RAP1A: variants seen among roughly 807,000 people sequenced by gnomAD.
The protein encoded by RAP1A is ras-related protein Rap-1A.
Under a neutral mutation model 26.4 loss-of-function variants are expected in RAP1A, and 6 were observed. That is an observed-to-expected ratio of 0.23 (90% CI 0.12 to 0.45). The LOEUF is 0.45. Among genes scored for constraint, RAP1A ranks in the 20% least tolerant of loss-of-function variants. The pLI is 0.99. For missense variants in RAP1A, 121 were observed against 217.2 expected, an observed-to-expected ratio of 0.56 and a Z score of 2.78; for synonymous variants, 73 against 79.4, an observed-to-expected ratio of 0.92 and a Z score of 0.43.
chr1:111,633,968 A>G (rs1397273336), intron 1 of RAP1A, among the ~76,000 whole-genome samples: 1 of 152,208 alleles, frequency 6.6e-6, no homozygotes, highest in Non-Finnish European at 1.5e-5. Flanking sequence ...TATTGGACAT[A>G]AAGAATCATT....
chr1:111,575,212 G>A (rs1432066783), intron 1 of RAP1A, among the ~76,000 whole-genome samples: 2 of 151,778 alleles, frequency 1.3e-5, no homozygotes, highest in Admixed American at 1.3e-4. Context: ...GCAGTGGCAT[G>A]ATCACGGCTC....
intron 1 of RAP1A, among the ~76,000 whole-genome samples, chr1:111,662,191 T>C (rs1660660076): frequency 1.3e-5 from 2 of 151,812 alleles, no homozygotes; most frequent in Non-Finnish European, 2.9e-5. Flanking sequence ...GTCAGGAGAT[T>C]GAGACCATCC....
At chr1:111,586,611 G>A (rs1395852154) in intron 1 of RAP1A, among the ~76,000 whole-genome samples, 3 of 152,180 alleles carry the variant, frequency 2.0e-5, no homozygotes, top group Non-Finnish European at 4.4e-5. Context: ...GAGGATGGTG[G>A]CAAGGAGAAA....
intron 1 of RAP1A, among the ~76,000 whole-genome samples, chr1:111,624,350 G>A (rs1039477171): frequency 2.0e-5 from 3 of 152,310 alleles, no homozygotes; most frequent in African/African-American, 7.2e-5. Flanking sequence ...ATTACAAGCA[G>A]TAGTTTTTAT....
At chr1:111,564,002 A>G (rs1332811803) in intron 1 of RAP1A, 5 of 1,353,226 alleles carry the variant, frequency 3.7e-6, no homozygotes, top group Admixed American at 1.7e-5. Flanking sequence ...TCCAACAGCC[A>G]CATTCCACCC....
At chr1:111,643,105 A>C (rs1448472504) in intron 1 of RAP1A, among the ~76,000 whole-genome samples, 1 of 152,098 alleles carries the variant, frequency 6.6e-6, no homozygotes, top group African/African-American at 2.4e-5. Flanking sequence ...GATAGTAAGT[A>C]CTTTAGGATT....
intron 1 of RAP1A, among the ~76,000 whole-genome samples, chr1:111,590,300 C>T (rs1288738027): frequency 6.6e-6 from 1 of 152,128 alleles, no homozygotes; most frequent in Non-Finnish European, 1.5e-5. Flanking sequence ...ACCCCCAGTA[C>T]TAAATTTAAT....
At chr1:111,647,143 C>T (rs1289591532) in intron 1 of RAP1A, among the ~76,000 whole-genome samples, 1 of 152,094 alleles carries the variant, frequency 6.6e-6, no homozygotes, top group Non-Finnish European at 1.5e-5. Context: ...TGCCTGAGCC[C>T]CGCCTCTTAT....
Position 111,564,808 on chromosome 1 carries a change from G to A in RAP1A, c.-28+22299G>A, listed in dbSNP as rs566915716. On this transcript the variant is annotated intron_variant, in intron 1 of 7. Transcript: ENST00000356415. ...ATTACAGGCGTGAGCCACCACACCC[G>A]GCCTGTGAGACCCCAACTCTTAAAA... Among the ~76,000 whole-genome samples, 20 of 150,998 alleles carry A rather than the reference G, an allele frequency of 1.3e-4. No individual in the cohort carries two copies. The South Asian group carries it at 2.9e-3, about 22-fold the overall frequency.
chr1:111,612,455 C>T (rs1311049741), intron 1 of RAP1A, among the ~76,000 whole-genome samples: 3 of 152,304 alleles, frequency 2.0e-5, no homozygotes, highest in East Asian at 3.9e-4. Flanking sequence ...GCAATATATA[C>T]ACCACCAAAT....
intron 1 of RAP1A, among the ~76,000 whole-genome samples, chr1:111,558,369 T>C (rs1309991602): frequency 6.6e-6 from 1 of 151,900 alleles, no homozygotes; most frequent in Non-Finnish European, 1.5e-5. Context: ...TTTTTTTGTC[T>C]TAAGACAGGG....
intron 1 of RAP1A, among the ~76,000 whole-genome samples, chr1:111,685,853 A>G (rs1661456838): frequency 6.7e-6 from 1 of 148,212 alleles, no homozygotes; most frequent in African/African-American, 2.4e-5. Context: ...TATTCACAAT[A>G]GCAGAGACTT....
intron 1 of RAP1A, among the ~76,000 whole-genome samples, chr1:111,688,609 C>A (rs1748889): frequency 6.6e-6 from 1 of 151,332 alleles, no homozygotes; most frequent in African/African-American, 2.4e-5. Flanking sequence ...CGTGAGCCAC[C>A]GTGCCTGGCC....
At chr1:111,616,026 G>C (rs944538277), upstream of RAP1A, among the ~76,000 whole-genome samples, 1 of 152,136 alleles carries the variant, frequency 6.6e-6, no homozygotes, top group Non-Finnish European at 1.5e-5. Context: ...TGGATTAAAG[G>C]AGGCTTCGGT....
chr1:111,689,348 T>G (rs998860105), intron 1 of RAP1A, among the ~76,000 whole-genome samples: 2 of 151,824 alleles, frequency 1.3e-5, no homozygotes, highest in Non-Finnish European at 2.9e-5. Context: ...CCTTTCCCCT[T>G]CTCTTCTTTC....
At chr1:111,548,552 C>T (rs1415054580) in intron 1 of RAP1A, among the ~76,000 whole-genome samples, 3 of 152,182 alleles carry the variant, frequency 2.0e-5, no homozygotes, top group Admixed American at 6.5e-5. Context: ...TTTAATTTTT[C>T]GGTCAGAACT....
At position 111,709,191 on chromosome 1, in the gene RAP1A, G is replaced by T. The variant is rs746527874; in HGVS notation, c.511G>T (p.Val171Leu). ...CAGACAGATAAATAGGAAAACACCAGTGGAAAAGAAGAAGCCTAAAAAGAA... is the reference window on the plus strand; with the variant it reads ...CAGACAGATAAATAGGAAAACACCATTGGAAAAGAAGAAGCCTAAAAAGAA... Reference protein sequence around the residue: ...LVRQINRKTPVEKKKPKKKSC... With the variant: ...LVRQINRKTPLEKKKPKKKSC... The change falls in exon 7 of 8, where the codon GTG becomes TTG. Residue 171 changes from valine to leucine, a missense_variant. Val to Leu is a conservative substitution (Grantham distance 32). Transcript: ENST00000369709. The T allele has an allele frequency of 3.7e-6, 6 of 1,613,784 alleles. No individual in the cohort carries two copies. In the Middle Eastern group the frequency reaches 5.0e-4, roughly 133 times the overall value.
rs541658876 is a variant in RAP1A, at chr1:111,716,234, G to A, written c.*3833G>A. 3.3e-5 allele frequency: 5 copies of A among 152,314 alleles called. No homozygotes were observed. Among genetic ancestry groups the A allele is most frequent in the East Asian group, 3.9e-4 (2 of 5,188 alleles). The allele number at this position is 152,314 out of a possible 1,614,324, so 9.4% of individuals were successfully genotyped here. A position where few individuals can be genotyped will look rare whatever the true frequency, so the allele number is the denominator to read the frequency against. On this transcript the variant is annotated 3_prime_UTR_variant, in exon 8 of 8. Coordinates refer to ENST00000369709, the MANE Select transcript of RAP1A (RefSeq NM_002884.4). ...GGGTCTGGAAAGAGCTCATCTTGCC[G>A]AGAGGGAAATAAATGTGAGCTTTGA...
At chr1:111,664,017 A>T (rs913948834) in intron 1 of RAP1A, among the ~76,000 whole-genome samples, 1 of 152,152 alleles carries the variant, frequency 6.6e-6, no homozygotes, top group East Asian at 1.9e-4. Context: ...GGCTTTTCTC[A>T]TCTGATAGGA....
Sources: allele counts gnomAD v4.1 joint callset (sites outside exome capture counted in the v4.1 genomes callset), GRCh38; gene constraint gnomAD v4.1.1; transcripts MANE v1.5; gene names NCBI Gene and HGNC (gene_info 2026-07-23, HGNC 2026-07-21).